The following COG5 variants were observed in gnomAD, a reference collection of about 807,000 sequenced individuals.
The protein encoded by COG5 is conserved oligomeric Golgi complex subunit 5.
In COG5, 86 loss-of-function variants were observed where a neutral mutation model predicts 110.4. The ratio of observed to expected loss-of-function variants is 0.78; its 90% CI spans 0.65 to 0.93. The LOEUF is 0.93. Ranked by LOEUF, COG5 falls within the 40% of genes least tolerant of loss-of-function variation. COG5 has a pLI of 0.00. For missense variants in COG5, 1,077 were observed against 987.0 expected (o/e 1.09, Z -1.22); for synonymous variants, 360 against 334.6 (o/e 1.08, Z -0.83).
intron 10 of COG5, among the ~76,000 whole-genome samples, chr7:107,333,836 G>C (rs1170585145): frequency 6.6e-6 from 1 of 152,080 alleles, no homozygotes; most frequent in Non-Finnish European, 1.5e-5. Context: ...AAAAGTAAAA[G>C]TTCCTCTTTA....
intron 6 of COG5, among the ~76,000 whole-genome samples, chr7:107,491,614 A>G (rs1797978638): frequency 6.6e-6 from 1 of 152,216 alleles, no homozygotes; most frequent in African/African-American, 2.4e-5. Context: ...AATAGTTTAC[A>G]AAACTCAAAT....
At chr7:107,310,373 T>A (rs1808116531) in intron 11 of COG5, among the ~76,000 whole-genome samples, 1 of 152,226 alleles carries the variant, frequency 6.6e-6, no homozygotes, top group South Asian at 2.1e-4. Context: ...CTGCCCACTT[T>A]GTGGGCAAAT....
intron 17 of COG5, among the ~76,000 whole-genome samples, chr7:107,244,145 A>G (rs550738663): frequency 6.6e-6 from 1 of 151,946 alleles, no homozygotes; most frequent in Non-Finnish European, 1.5e-5. Flanking sequence ...CCAGCTACTC[A>G]GGAGGCTGAG....
At chr7:107,262,881 C>T (rs75154004) in intron 14 of COG5, among the ~76,000 whole-genome samples, 23,767 of 152,138 alleles carry the variant, frequency 0.16, 2,319 homozygotes, top group Non-Finnish European at 0.22. Context: ...ACTAATAATA[C>T]AGTTTATACC....
At chr7:107,395,622 T>TCCGCCTGCAA (rs1790943019) in intron 7 of COG5, among the ~76,000 whole-genome samples, 1 of 129,910 alleles carries the variant, frequency 7.7e-6, no homozygotes, top group Non-Finnish European at 1.6e-5. Context: ...TGGCAAGACC[T>TCCGCCTGCAA]CGGCTTACTG....
rs558759709 is a variant in COG5, at chr7:107,236,493, A to G, written c.2048T>C (p.Leu683Pro). 12 of 1,614,184 alleles carry G rather than the reference A, an allele frequency of 7.4e-6. No individual in the cohort carries two copies. The South Asian group carries it at 1.3e-4, about 18-fold the overall frequency. ...AAGTCGCATTTTCCCACCTTCACCA[A>G]GAGGTCTTATGAGACTGGCATGGCG... ...FIRHASLIRP[L>P]GEGGKMRLAA... The change falls in exon 18 of 22, where the codon CTT (leucine) becomes CCT (proline). Residue 683 changes from leucine to proline, a missense_variant. Physicochemically the swap from Leu to Pro is moderately conservative, Grantham distance 98. Coordinates refer to ENST00000297135, the MANE Select transcript of COG5 (RefSeq NM_006348.5).
intron 11 of COG5, among the ~76,000 whole-genome samples, chr7:107,308,898 A>T (rs1008970185): frequency 2.8e-5 from 4 of 144,526 alleles, no homozygotes; most frequent in African/African-American, 1.0e-4. Context: ...ATACAACCCC[A>T]GTAGTCTCTG....
intron 19 of COG5, among the ~76,000 whole-genome samples, chr7:107,215,934 C>T (rs1211490492): frequency 6.6e-6 from 1 of 152,040 alleles, no homozygotes; most frequent in African/African-American, 2.4e-5. Context: ...TGGTCTCGAT[C>T]TCCTGACCTT....
chr7:107,360,829 G>T (rs1301636355), intron 10 of COG5, among the ~76,000 whole-genome samples: 1 of 152,228 alleles, frequency 6.6e-6, no homozygotes, highest in Non-Finnish European at 1.5e-5. Context: ...TTTGTCAGTT[G>T]TGGGGTCTGG....
chr7:107,350,630 G>C (rs1812057511), intron 10 of COG5, among the ~76,000 whole-genome samples: 1 of 152,084 alleles, frequency 6.6e-6, no homozygotes, highest in South Asian at 2.1e-4. Flanking sequence ...GCTTATATTT[G>C]TCTAAACTTA....
chr7:107,474,781 C>T lies in COG5; in HGVS notation c.538+52456G>A. 6.2e-7 allele frequency: 1 copy of T among 1,610,906 alleles called. No individual in the cohort carries two copies. The highest frequency in any genetic ancestry group is 8.5e-7 in the Non-Finnish European group (1 of 1,178,778). On this transcript the variant is annotated intron_variant, in intron 6 of 21. Coordinates refer to ENST00000297135, the MANE Select transcript of COG5 (RefSeq NM_006348.5). The surrounding 1 kb of genome is among the most constrained non-coding windows in gnomAD (Gnocchi z 5.7). ...CAAAATACTTCAGGCTCTTAATATT[C>T]GAATAGGCACAAGATTTTCAACAGG...
At chr7:107,259,349 T>C (rs1803140316) in intron 14 of COG5, among the ~76,000 whole-genome samples, 1 of 152,130 alleles carries the variant, frequency 6.6e-6, no homozygotes, top group African/African-American at 2.4e-5. Context: ...CCTGAAAATA[T>C]ATTTATTTTC....
rs1448454323 is a variant in COG5, at chr7:107,516,034, T to A, written c.538+11203A>T. On this transcript the variant is annotated intron_variant, in intron 6 of 21. Coordinates refer to ENST00000297135, the MANE Select transcript of COG5 (RefSeq NM_006348.5). ...AATTTTCATCTAGTCCCAAGACTCT[T>A]CTTAAAGAAAAATCATGAATCTATG... Among the ~76,000 whole-genome samples the A allele has an allele frequency of 2.6e-5, 4 of 152,234 alleles. No homozygotes were observed. The East Asian group carries it at 7.7e-4, about 29-fold the overall frequency.
chr7:107,476,102 C>T (rs1383960209), intron 6 of COG5, among the ~76,000 whole-genome samples: 2 of 145,552 alleles, frequency 1.4e-5, no homozygotes, highest in Non-Finnish European at 3.0e-5. Flanking sequence ...AGGAAGAATA[C>T]TAAAACACCA....
At chr7:107,358,723 T>C (rs1812842892) in intron 10 of COG5, among the ~76,000 whole-genome samples, 1 of 152,196 alleles carries the variant, frequency 6.6e-6, no homozygotes, top group East Asian at 1.9e-4. Context: ...GGTATGTCTT[T>C]AGGCATTAAC....
intron 19 of COG5, among the ~76,000 whole-genome samples, chr7:107,222,345 A>G (rs1799996596): frequency 6.6e-6 from 1 of 152,144 alleles, no homozygotes; most frequent in East Asian, 1.9e-4. Context: ...ACAGGATTAC[A>G]GGGGCGCATG....
intron 7 of COG5, among the ~76,000 whole-genome samples, chr7:107,401,575 G>A (rs770831979): frequency 8.3e-4 from 126 of 152,074 alleles, no homozygotes; most frequent in East Asian, 3.8e-4. Flanking sequence ...GGAAATACGC[G>A]AGCTCTTACT....
intron 7 of COG5, among the ~76,000 whole-genome samples, chr7:107,394,120 C>T (rs1487742135): frequency 6.6e-6 from 1 of 151,952 alleles, no homozygotes; most frequent in Non-Finnish European, 1.5e-5. Flanking sequence ...CGCCACCACG[C>T]CCAGCTAATT....
At chr7:107,337,054 A>C (rs1366655031) in intron 10 of COG5, among the ~76,000 whole-genome samples, 2 of 152,222 alleles carry the variant, frequency 1.3e-5, no homozygotes, top group African/African-American at 4.8e-5. Flanking sequence ...AAAATTGTCA[A>C]CATCACTAAT....
Sources: allele counts gnomAD v4.1 joint callset (sites outside exome capture counted in the v4.1 genomes callset), GRCh38; gene constraint gnomAD v4.1.1; non-coding constraint Gnocchi (gnomAD v3.1); transcripts MANE v1.5; gene names NCBI Gene and HGNC (gene_info 2026-07-23, HGNC 2026-07-21).